DLG2: variants seen among roughly 807,000 people sequenced by gnomAD.
DLG2 encodes disks large homolog 2.
DLG2 carries 45 observed loss-of-function variants against 132.5 expected under a neutral mutation model. The ratio of observed to expected loss-of-function variants is 0.34; its 90% CI spans 0.27 to 0.44. The LOEUF (loss-of-function observed/expected upper bound fraction) is 0.44, where lower values mean the gene tolerates loss of function less well. DLG2 is among the 20% of genes least tolerant of loss of function. The pLI is 1.00. For missense variants in DLG2, 1,045 were observed against 1,196.9 expected, an observed-to-expected ratio of 0.87 and a Z score of 1.87; for synonymous variants, 424 against 419.6, an observed-to-expected ratio of 1.01 and a Z score of -0.13.
chr11:85,162,192 T>C (rs746496882), intron 4 of DLG2, among the ~76,000 whole-genome samples: 4 of 152,134 alleles, frequency 2.6e-5, no homozygotes, highest in African/African-American at 7.2e-5. Flanking sequence ...AGTGTACTAC[T>C]CCACAACGGG....
At chr11:85,017,330 G>C (rs535411814) in intron 6 of DLG2, among the ~76,000 whole-genome samples, 14 of 146,442 alleles carry the variant, frequency 9.6e-5, no homozygotes, top group African/African-American at 3.6e-4. Flanking sequence ...ACTTGTCCAG[G>C]GAGTATGTCA....
chr11:84,332,368 C>T (rs2098464411), intron 7 of DLG2, among the ~76,000 whole-genome samples: 1 of 151,918 alleles, frequency 6.6e-6, no homozygotes, highest in Admixed American at 6.6e-5. Flanking sequence ...CCCGCCACCA[C>T]GCCCGGCTAA....
intron 17 of DLG2, among the ~76,000 whole-genome samples, chr11:83,795,763 T>C (rs1024346937): frequency 4.6e-5 from 7 of 152,184 alleles, no homozygotes; most frequent in East Asian, 1.9e-4. Flanking sequence ...CTTAGTGCTA[T>C]AGAATGAATG....
intron 7 of DLG2, among the ~76,000 whole-genome samples, chr11:84,356,321 C>T (rs1322509805): frequency 6.6e-6 from 1 of 152,080 alleles, no homozygotes; most frequent in Non-Finnish European, 1.5e-5. Flanking sequence ...ATATGTGAGG[C>T]ATTGTTCTAA....
At chr11:83,666,478 T>C (rs867687008) in intron 18 of DLG2, among the ~76,000 whole-genome samples, 1 of 152,190 alleles carries the variant, frequency 6.6e-6, no homozygotes, top group South Asian at 2.1e-4. Flanking sequence ...GGTTGCTGCT[T>C]CTTGTGAGAA....
At chr11:85,272,511 C>T (rs1375683523) in intron 4 of DLG2, among the ~76,000 whole-genome samples, 1 of 152,126 alleles carries the variant, frequency 6.6e-6, no homozygotes, top group East Asian at 1.9e-4. Flanking sequence ...AACAGTTTTG[C>T]TCTTAAGGCC....
rs915124087 is a variant in DLG2, at chr11:85,392,985, T to C, written c.41-107620A>G. Among the ~76,000 whole-genome samples the C allele has an allele frequency of 2.0e-5, 3 of 152,186 alleles. No homozygotes were observed. In the East Asian group the frequency reaches 5.8e-4, roughly 29 times the overall value. ...ACAAAGATAAGTAGATGGGACTTAA[T>C]TAAACTAAAAAGCTTTTGCACAGCA... On this transcript the variant is annotated intron_variant, in intron 3 of 27. Transcript: ENST00000376104.
At chr11:84,783,258 A>G (rs1017650629) in intron 6 of DLG2, among the ~76,000 whole-genome samples, 3 of 152,192 alleles carry the variant, frequency 2.0e-5, no homozygotes, top group Admixed American at 1.3e-4. Context: ...CATCCTGGGT[A>G]AAACACTTAT....
chr11:83,610,563 C>A (rs918129220), intron 19 of DLG2, among the ~76,000 whole-genome samples: 1 of 152,064 alleles, frequency 6.6e-6, no homozygotes, highest in Non-Finnish European at 1.5e-5. Context: ...GGTAACAGAT[C>A]TGTGGTAACC....
intron 3 of DLG2, among the ~76,000 whole-genome samples, chr11:85,405,626 A>G (rs2088653778): frequency 6.6e-6 from 1 of 151,978 alleles, no homozygotes; most frequent in Admixed American, 6.6e-5. Context: ...TGAATTAGGA[A>G]TTATTATTAT....
intron 7 of DLG2, among the ~76,000 whole-genome samples, chr11:84,368,497 C>T (rs934168169): frequency 6.6e-6 from 1 of 151,936 alleles, no homozygotes. Flanking sequence ...GTAAACATGT[C>T]CTCTATTTAA....
rs149298114 is a variant in DLG2, at chr11:83,537,297, T to C, written c.2117+4385A>G. ...GCCAAACCCATAATTGGGTCAGGCT[T>C]GGAGCATTGGACAGTGGGAACATCA... On this transcript the variant is annotated intron_variant, in intron 20 of 27. Coordinates refer to ENST00000376104, the MANE Select transcript of DLG2 (RefSeq NM_001142699.3). Among the ~76,000 whole-genome samples, 6 of 152,306 alleles carry C rather than the reference T, an allele frequency of 3.9e-5. No homozygotes were observed. The East Asian group carries it at 1.2e-3, about 29-fold the overall frequency.
intron 7 of DLG2, among the ~76,000 whole-genome samples, chr11:84,430,759 C>T (rs1419152272): frequency 6.6e-6 from 1 of 152,204 alleles, no homozygotes; most frequent in Non-Finnish European, 1.5e-5. Context: ...GACCTCAGAA[C>T]AGGTGCTACT....
rs541778216 is a variant in DLG2, at chr11:84,207,593, A to C, written c.573+43645T>G. The stretch of plus-strand genomic sequence containing the variant: ...TGGATTACCTGGATATCTATTGGAA[A>C]AATTGAACCTTGACATCTTCCTCAC... On this transcript the variant is annotated intron_variant, in intron 8 of 27. Transcript: ENST00000376104. Among the ~76,000 whole-genome samples, 6 of 152,304 alleles carry C rather than the reference A, an allele frequency of 3.9e-5. No homozygotes were observed. In the East Asian group the frequency reaches 9.6e-4, roughly 24 times the overall value.
chr11:84,551,157 T>C (rs2099401054), intron 6 of DLG2, among the ~76,000 whole-genome samples: 1 of 152,170 alleles, frequency 6.6e-6, no homozygotes, highest in Non-Finnish European at 1.5e-5. Flanking sequence ...ATCAAAGAGG[T>C]TTATTTCACA....
chr11:84,532,431 G>T (rs1401520311), intron 7 of DLG2, among the ~76,000 whole-genome samples: 3 of 152,090 alleles, frequency 2.0e-5, no homozygotes, highest in African/African-American at 4.8e-5. Flanking sequence ...TGGGAGGTAT[G>T]CTCTAGAGGT....
intron 15 of DLG2, among the ~76,000 whole-genome samples, chr11:83,896,600 T>C (rs1029492928): frequency 1.3e-5 from 2 of 152,236 alleles, no homozygotes; most frequent in Non-Finnish European, 2.9e-5. Context: ...GAGTTTTTTA[T>C]TAATTAATGA....
intron 4 of DLG2, among the ~76,000 whole-genome samples, chr11:85,192,126 A>C (rs2080637053): frequency 6.6e-6 from 1 of 152,172 alleles, no homozygotes; most frequent in Non-Finnish European, 1.5e-5. Flanking sequence ...CAGGCTTTGG[A>C]GACAAAAAGA....
chr11:84,582,777 A>G (rs1018249025), intron 6 of DLG2, among the ~76,000 whole-genome samples: 1 of 152,142 alleles, frequency 6.6e-6, no homozygotes, highest in South Asian at 2.1e-4. Context: ...ATGAGACTAG[A>G]TGTCCTGTTC....
Sources: allele counts gnomAD v4.1 joint callset (sites outside exome capture counted in the v4.1 genomes callset), GRCh38; gene constraint gnomAD v4.1.1; transcripts MANE v1.5; gene names NCBI Gene and HGNC (gene_info 2026-07-23, HGNC 2026-07-21).